The following BRCA1 variants were observed in gnomAD, a reference collection of about 807,000 sequenced individuals.
BRCA1 encodes breast cancer type 1 susceptibility protein.
A neutral mutation model predicts 173.7 loss-of-function variants in BRCA1; 140 were observed. The observed-to-expected ratio is 0.81, with a 90% CI of 0.70 to 0.93. The LOEUF is 0.93. Ranked by LOEUF, BRCA1 falls within the 40% of genes least tolerant of loss-of-function variation. The pLI is 0.00. For synonymous variants in BRCA1, 662 were observed against 756.0 expected, an observed-to-expected ratio of 0.88 and a Z score of 2.04; for missense variants, 1,983 against 2,172.5, an observed-to-expected ratio of 0.91 and a Z score of 1.73.
At chr17:43,156,480 A>G (rs973010787) in intron 1 of BRCA1, among the ~76,000 whole-genome samples, 15 of 152,178 alleles carry the variant, frequency 9.9e-5, no homozygotes, top group Non-Finnish European at 1.0e-4. Flanking sequence ...TCACCCTGCC[A>G]GTCTCCTTGG....
chr17:43,095,743 G>T, intron 9 of BRCA1, 103 bp downstream of exon 9: 1 of 928,034 alleles, frequency 1.1e-6, no homozygotes, highest in Non-Finnish European at 1.7e-6. Flanking sequence ...GAGATTTTGT[G>T]GGTTGTAAAG....
rs1567769120 is a variant in BRCA1, at chr17:43,063,866, A to G, written c.5152+8T>C. On this transcript the variant is annotated splice_region_variant and intron_variant, in intron 17 of 22. Transcript: ENST00000357654. ...AAGGGAGGAGGGGAGAAATAGTATTATACTTACAGAAATAGCTAACTACCC... is the reference window on the plus strand; with the variant it reads ...AAGGGAGGAGGGGAGAAATAGTATTGTACTTACAGAAATAGCTAACTACCC... 1 of 1,607,934 alleles carries G rather than the reference A, an allele frequency of 6.2e-7. No homozygotes were observed. Among genetic ancestry groups the G allele is most frequent in the East Asian group, 2.2e-5 (1 of 44,836 alleles).
intron 6 of BRCA1, among the ~76,000 whole-genome samples, chr17:43,100,598 T>A (rs12948474): frequency 1.1e-5 from 1 of 87,254 alleles, no homozygotes; most frequent in Non-Finnish European, 2.2e-5. Flanking sequence ...ATATATATTA[T>A]ATATATATAA....
intron 7 of BRCA1, 79 bp downstream of exon 7, chr17:43,099,696 G>T: frequency 8.1e-7 from 1 of 1,231,912 alleles, no homozygotes; most frequent in Non-Finnish European, 1.2e-6. Flanking sequence ...TACAAATTAT[G>T]ACCAAGATTT....
chr17:43,060,548 G>C (rs2051705160), intron 18 of BRCA1, among the ~76,000 whole-genome samples: 2 of 151,918 alleles, frequency 1.3e-5, no homozygotes, highest in African/African-American at 4.8e-5. Flanking sequence ...CTGGAGTGCA[G>C]TGATGCGATC....
At position 43,124,089 on chromosome 17, in the gene BRCA1, A is replaced by G. The variant is rs397509332; in HGVS notation, c.8T>C (p.Leu3Ser). MD[L>S]SALRVEEVQN... is the part of the protein sequence containing the mutation. ...TACTTCTTCAACGCGAAGAGCAGAT[A>G]AATCCATTTCTTTCTGTTCCAATGA... is the stretch of plus-strand genomic sequence containing the variant. The change falls in exon 2 of 23, where the codon TTA (leucine) becomes TCA (serine). Residue 3 changes from leucine (L) to serine (S), a missense_variant. By Grantham distance (145) the Leu-to-Ser change is moderately radical (BLOSUM62 -2). Transcript: ENST00000357654. 6.2e-7 allele frequency: 1 copy of G among 1,613,088 alleles called. No individual in the cohort carries two copies.
intron 1 of BRCA1, among the ~76,000 whole-genome samples, chr17:43,147,787 T>TC (rs1490572475): frequency 7.0e-6 from 1 of 143,482 alleles, no homozygotes; most frequent in Non-Finnish European, 1.5e-5. Context: ...TATCCTACCT[T>TC]CCATCAGCCT....
chr17:43,084,032 T>C (rs974974928), intron 11 of BRCA1, among the ~76,000 whole-genome samples: 1 of 140,358 alleles, frequency 7.1e-6, no homozygotes, highest in Non-Finnish European at 1.6e-5. Context: ...GCCCGACTAA[T>C]TTTTTTTTTT....
intron 9 of BRCA1, among the ~76,000 whole-genome samples, chr17:43,095,530 C>G (rs1254808315): frequency 6.7e-6 from 1 of 150,280 alleles, no homozygotes; most frequent in Non-Finnish European, 1.5e-5. Flanking sequence ...TGCAGTGAGC[C>G]AAGATTGCAT....
At chr17:43,095,771 G>T in intron 9 of BRCA1, 75 bp downstream of exon 9, 1 of 1,248,962 alleles carries the variant, frequency 8.0e-7, no homozygotes, top group Non-Finnish European at 1.2e-6. Context: ...ATGGTCTTCA[G>T]AATAATCTAA....
intron 1 of BRCA1, among the ~76,000 whole-genome samples, chr17:43,169,679 G>A (rs1007539973): frequency 6.6e-6 from 1 of 150,384 alleles, no homozygotes; most frequent in African/African-American, 2.5e-5. Context: ...CATCTGCCTA[G>A]CTTCGGAAAT....
In BRCA1 at chr17:43,125,335, C is replaced by A. The variant is rs2154580153; in HGVS notation, c.-84G>T. 1 of 450,276 alleles carries A rather than the reference C, an allele frequency of 2.2e-6. No individual in the cohort carries two copies. The highest frequency in any genetic ancestry group is 4.5e-6 in the Non-Finnish European group (1 of 222,242). 27.9% of individuals were successfully genotyped at this position (450,276 alleles called of 1,614,324 possible). On this transcript the variant is annotated 5_prime_UTR_variant, in exon 1 of 23. Coordinates refer to ENST00000357654, the MANE Select transcript of BRCA1 (RefSeq NM_007294.4). ...GGGCCCAGTTATCTGAGAAACCCCA[C>A]AGCCTGTCCCCCGTCCAGGAAGTCT...
At chr17:43,054,884 G>A (rs1567763079) in intron 19 of BRCA1, among the ~76,000 whole-genome samples, 2 of 151,896 alleles carry the variant, frequency 1.3e-5, no homozygotes, top group Non-Finnish European at 2.9e-5. Flanking sequence ...TCCTGAGCTA[G>A]GATTACAGGT....
intron 18 of BRCA1, among the ~76,000 whole-genome samples, chr17:43,057,746 G>A (rs1274658587): frequency 6.6e-6 from 1 of 151,658 alleles, no homozygotes; most frequent in Non-Finnish European, 1.5e-5. Flanking sequence ...TGAGGCAGGA[G>A]AATGGCGTGA....
intron 14 of BRCA1, 116 bp from the exon 15 acceptor site, chr17:43,071,354 C>T (rs2052437685): frequency 8.6e-7 from 1 of 1,168,372 alleles, no homozygotes. Flanking sequence ...AAAATGGGTA[C>T]ATGAATACAG....
intron 22 of BRCA1, 149 bp downstream of exon 22, chr17:43,047,494 T>C (rs1555574671): frequency 5.9e-6 from 5 of 846,872 alleles, no homozygotes; most frequent in Non-Finnish European, 1.0e-5. Context: ...CAAATAACAA[T>C]AAAAACATCA....
chr17:43,165,431 A>G (rs1400155806), intron 1 of BRCA1, among the ~76,000 whole-genome samples: 1 of 152,050 alleles, frequency 6.6e-6, no homozygotes, highest in Non-Finnish European at 1.5e-5. Context: ...GCCTCCTTAC[A>G]ATTCTTTTAC....
At chr17:43,083,744 A>T (rs2053119116) in intron 11 of BRCA1, among the ~76,000 whole-genome samples, 3 of 152,184 alleles carry the variant, frequency 2.0e-5, no homozygotes, top group South Asian at 2.1e-4. Flanking sequence ...CTTTTTGCTT[A>T]TGGGCTCCTG....
intron 15 of BRCA1, among the ~76,000 whole-genome samples, chr17:43,069,929 C>T (rs1476981150): frequency 2.0e-5 from 3 of 152,040 alleles, no homozygotes; most frequent in East Asian, 1.9e-4. Context: ...GAAATATTCA[C>T]GCAATTCTTC....
Sources: allele counts gnomAD v4.1 joint callset (sites outside exome capture counted in the v4.1 genomes callset), GRCh38; gene constraint gnomAD v4.1.1; transcripts MANE v1.5; gene names NCBI Gene and HGNC (gene_info 2026-07-23, HGNC 2026-07-21).